The following SNX29 variants were observed in gnomAD, a reference collection of about 807,000 sequenced individuals.
SNX29 encodes sorting nexin-29.
A neutral mutation model predicts 102.1 loss-of-function variants in SNX29; 78 were observed. That is an observed-to-expected ratio of 0.76 (90% CI 0.64 to 0.92). SNX29 has a LOEUF of 0.92. Ranked by LOEUF, SNX29 falls within the 40% of genes least tolerant of loss-of-function variation. SNX29 has a pLI of 0.00. For missense variants in SNX29, 1,280 were observed against 1,061.7 expected, an observed-to-expected ratio of 1.21 and a Z score of -2.86; for synonymous variants, 580 against 414.5, an observed-to-expected ratio of 1.40 and a Z score of -4.85.
At chr16:12,366,164 G>C (rs1221493576) in intron 16 of SNX29, among the ~76,000 whole-genome samples, 1 of 151,598 alleles carries the variant, frequency 6.6e-6, no homozygotes, top group Non-Finnish European at 1.5e-5. Context: ...CCTGAAAACT[G>C]TTGGATTAGA....
intron 18 of SNX29, among the ~76,000 whole-genome samples, chr16:12,411,714 G>C (rs990531184): frequency 1.3e-5 from 2 of 152,192 alleles, no homozygotes; most frequent in Admixed American, 1.3e-4. Flanking sequence ...CAAGAAGGCA[G>C]GCTGTGTGGG....
chr16:12,362,562 ACC>A (rs796459458), intron 16 of SNX29, among the ~76,000 whole-genome samples: 7 of 19,988 alleles, frequency 3.5e-4, no homozygotes, highest in East Asian at 2.1e-3. Context: ...CTCCCCCCCC[ACC>A]CCCCCCCCCA....
chr16:11,990,624 GT>G (rs1428395076), intron 1 of SNX29, among the ~76,000 whole-genome samples: 1 of 152,116 alleles, frequency 6.6e-6, no homozygotes, highest in African/African-American at 2.4e-5. Flanking sequence ...CATTGGGCTG[GT>G]AGCGCCGGGC....
intron 18 of SNX29, among the ~76,000 whole-genome samples, chr16:12,468,156 T>C (rs2151783706): frequency 6.8e-6 from 1 of 147,710 alleles, no homozygotes; most frequent in African/African-American, 2.5e-5. Context: ...TCCAGGACTG[T>C]CTACTCTGAC....
intron 18 of SNX29, among the ~76,000 whole-genome samples, chr16:12,404,623 T>C (rs981727406): frequency 2.0e-5 from 3 of 152,206 alleles, no homozygotes; most frequent in East Asian, 1.9e-4. Flanking sequence ...AATTGACTTA[T>C]TGAAGAAATT....
chr16:12,182,008 T>A (rs1432020082), intron 13 of SNX29, among the ~76,000 whole-genome samples: 1 of 151,900 alleles, frequency 6.6e-6, no homozygotes, highest in Non-Finnish European at 1.5e-5. Flanking sequence ...CTCACTGTTC[T>A]AAGTAGCTAG....
intron 14 of SNX29, among the ~76,000 whole-genome samples, chr16:12,212,081 G>T (rs139908496): frequency 2.5e-4 from 38 of 152,252 alleles, no homozygotes; most frequent in African/African-American, 8.2e-4. Flanking sequence ...TAGGGATAGT[G>T]TATGTTGCCT....
intron 14 of SNX29, among the ~76,000 whole-genome samples, chr16:12,207,761 A>C (rs572611751): frequency 6.6e-6 from 1 of 152,172 alleles, no homozygotes; most frequent in Admixed American, 6.5e-5. Flanking sequence ...TGGATCTTTC[A>C]GTTTCCTAAA....
chr16:12,153,986 C>G (rs73519864), intron 13 of SNX29, among the ~76,000 whole-genome samples: 4,080 of 152,274 alleles, frequency 0.027, 179 homozygotes, highest in African/African-American at 0.093. Context: ...GAAAGTTAAA[C>G]TGCTGGGAGG....
intron 18 of SNX29, among the ~76,000 whole-genome samples, chr16:12,453,733 T>G (rs1258054973): frequency 6.6e-6 from 1 of 152,222 alleles, no homozygotes; most frequent in African/African-American, 2.4e-5. Context: ...CTTCAAAGAC[T>G]GCAGTGGGAC....
At chr16:12,291,670 A>C (rs1376744583) in intron 15 of SNX29, among the ~76,000 whole-genome samples, 1 of 152,178 alleles carries the variant, frequency 6.6e-6, no homozygotes, top group East Asian at 1.9e-4. Flanking sequence ...TGTAGAGTTA[A>C]CTTAGGTTCC....
chr16:12,095,361 C>T (rs915767683), intron 11 of SNX29: 4 of 152,204 alleles, frequency 2.6e-5, no homozygotes, highest in Non-Finnish European at 5.9e-5. Flanking sequence ...ACATTGGAGC[C>T]ACCAGGGGGC....
chr16:12,281,706 TTGC>T (rs2079435196), intron 15 of SNX29, among the ~76,000 whole-genome samples: 1 of 152,130 alleles, frequency 6.6e-6, no homozygotes, highest in South Asian at 2.1e-4. Flanking sequence ...GAGGACACTC[TTGC>T]TGCCTCCAGT....
chr16:12,393,414 A>ATGCATGCG, intron 16 of SNX29, among the ~76,000 whole-genome samples: 1 of 139,176 alleles, frequency 7.2e-6, no homozygotes, highest in East Asian at 3.0e-4. Context: ...GCATGCATGC[A>ATGCATGCG]TTCATTCATT....
At chr16:12,203,513 G>C (rs1220690463) in intron 14 of SNX29, among the ~76,000 whole-genome samples, 1 of 150,304 alleles carries the variant, frequency 6.7e-6, no homozygotes, top group African/African-American at 2.4e-5. Flanking sequence ...AAGTTGTGTA[G>C]TGTGGCCTCG....
At chr16:12,389,566 T>G (rs547301024) in intron 16 of SNX29, among the ~76,000 whole-genome samples, 74 of 152,296 alleles carry the variant, frequency 4.9e-4, no homozygotes, top group African/African-American at 1.7e-3. Flanking sequence ...ACCTCTTTCC[T>G]TTATAATTAC....
intron 11 of SNX29, among the ~76,000 whole-genome samples, chr16:12,110,071 C>T (rs928849794): frequency 6.6e-6 from 1 of 152,140 alleles, no homozygotes; most frequent in Admixed American, 6.5e-5. Flanking sequence ...CTGCCGTCTG[C>T]ACTGGGCAAA....
Position 12,531,114 on chromosome 16 carries a change from C to A in SNX29, c.2318+6273C>A, listed in dbSNP as rs75373591. Among the ~76,000 whole-genome samples the A allele has an allele frequency of 8.5e-5, 13 of 152,322 alleles. No homozygotes were observed. In the East Asian group the frequency reaches 2.5e-3, roughly 29 times the overall value. ...AAATTTTTCCTGACATCACTAAAGC[C>A]CACCCTCTCATACCAATTTGATATG... On this transcript the variant is annotated intron_variant, in intron 20 of 20. Transcript: ENST00000566228.
intron 18 of SNX29, among the ~76,000 whole-genome samples, chr16:12,431,657 C>G (rs2085321167): frequency 1.3e-5 from 2 of 151,986 alleles, no homozygotes; most frequent in African/African-American, 4.8e-5. Context: ...TGTGAGTTTT[C>G]TCTCTGAGTT....
Sources: allele counts gnomAD v4.1 joint callset (sites outside exome capture counted in the v4.1 genomes callset), GRCh38; gene constraint gnomAD v4.1.1; transcripts MANE v1.5; gene names NCBI Gene and HGNC (gene_info 2026-07-23, HGNC 2026-07-21).